EFHD1: variants seen among roughly 807,000 people sequenced by gnomAD.
EFHD1 encodes EF-hand domain family member D1.
EFHD1 carries 10 observed loss-of-function variants against 17.2 expected under a neutral mutation model. The ratio of observed to expected loss-of-function variants is 0.58; its 90% CI spans 0.36 to 0.99. EFHD1 has a LOEUF of 0.99. EFHD1 is among the 50% of genes least tolerant of loss of function. The pLI, the probability that EFHD1 is intolerant of heterozygous loss-of-function variation, is 0.01. For missense variants in EFHD1, 310 were observed against 327.5 expected, an observed-to-expected ratio of 0.95 and a Z score of 0.41; for synonymous variants, 153 against 142.0, an observed-to-expected ratio of 1.08 and a Z score of -0.55.
In EFHD1 at chr2:232,681,608, TAAGTTTG is replaced by T; in HGVS notation, c.613_619del (p.Phe205GlnfsTer3). ...AGGTCCAAGCCTTGTCATCGGCCAG[TAAGTTTG>T]AAGCAGAGTTGAAAGCTGAGCAAGA... On this transcript the variant is annotated frameshift_variant, in exon 4 of 4. Transcript: ENST00000264059. LOFTEE classifies it high-confidence loss of function. 1 of 1,614,158 alleles carries T rather than the reference TAAGTTTG, an allele frequency of 6.2e-7. No homozygotes were observed. Among genetic ancestry groups the T allele is most frequent in the South Asian group, 1.1e-5 (1 of 91,074 alleles).
intron 1 of EFHD1, among the ~76,000 whole-genome samples, chr2:232,610,235 G>A (rs1199098164): frequency 1.2e-4 from 18 of 152,240 alleles, no homozygotes. Flanking sequence ...CCTGCCATCA[G>A]CTCCTTGTGG....
At chr2:232,628,772 C>G (rs559200146), upstream of EFHD1, among the ~76,000 whole-genome samples, 1 of 152,184 alleles carries the variant, frequency 6.6e-6, no homozygotes, top group Non-Finnish European at 1.5e-5. Flanking sequence ...CAATTTCTCC[C>G]TGGAGAGGTA....
chr2:232,636,264 C>T (rs1021822770), intron 1 of EFHD1, among the ~76,000 whole-genome samples: 1 of 152,182 alleles, frequency 6.6e-6, no homozygotes, highest in Non-Finnish European at 1.5e-5. Context: ...GAAGAGTGAG[C>T]ACTTGGAGGC....
At chr2:232,663,050 C>A in intron 2 of EFHD1, 101 bp downstream of exon 2, 3 of 1,316,188 alleles carry the variant, frequency 2.3e-6, no homozygotes, top group Non-Finnish European at 3.0e-6. Context: ...CTCTCCAGAG[C>A]GCTGTTTGCG....
intron 2 of EFHD1, among the ~76,000 whole-genome samples, chr2:232,667,107 G>A (rs1694980595): frequency 6.6e-6 from 1 of 152,132 alleles, no homozygotes; most frequent in Non-Finnish European, 1.5e-5. Context: ...TGCACTTCCA[G>A]CTTCTGAAAC....
At chr2:232,653,294 G>T (rs1473950411) in intron 1 of EFHD1, among the ~76,000 whole-genome samples, 1 of 151,868 alleles carries the variant, frequency 6.6e-6, no homozygotes, top group Non-Finnish European at 1.5e-5. Context: ...TGCCCAGCTG[G>T]TTTTTTCTTT....
intron 3 of EFHD1, among the ~76,000 whole-genome samples, chr2:232,678,953 G>A (rs1363879773): frequency 1.3e-5 from 2 of 152,156 alleles, no homozygotes; most frequent in East Asian, 1.9e-4. Context: ...ACTAAAAGAA[G>A]TGCACTTAGA....
intron 1 of EFHD1, among the ~76,000 whole-genome samples, chr2:232,608,652 C>G (rs968163249): frequency 2.0e-5 from 3 of 152,030 alleles, no homozygotes; most frequent in African/African-American, 7.2e-5. Flanking sequence ...AGAAAACAGC[C>G]GGGCCCAGTG....
At chr2:232,633,603 C>A (rs1184111442), upstream of EFHD1, 2 of 1,307,440 alleles carry the variant, frequency 1.5e-6, no homozygotes, top group East Asian at 3.2e-5. Flanking sequence ...GCCGCCTCGG[C>A]GGAGTGTTGT....
At chr2:232,660,721 T>C (rs899454276) in intron 1 of EFHD1, among the ~76,000 whole-genome samples, 3 of 151,264 alleles carry the variant, frequency 2.0e-5, no homozygotes, top group Non-Finnish European at 4.4e-5. Context: ...CTCATGTCTG[T>C]AATCCCAAGA....
rs746805130 is a variant in EFHD1, at chr2:232,681,554, C to T, written c.586-31C>T. 21 of 1,608,534 alleles carry T rather than the reference C, an allele frequency of 1.3e-5. No individual in the cohort carries two copies. In the East Asian group the frequency reaches 1.8e-4, roughly 14 times the overall value. ...CCAGGGTCCTCTGCCCTCCCTTACT[C>T]GTTTGGTCTATGTCTGCTATTTCTC... On this transcript the variant is annotated intron_variant, in intron 3 of 3. Coordinates refer to ENST00000264059, the MANE Select transcript of EFHD1 (RefSeq NM_025202.4).
At chr2:232,613,953 TACACACACATACACACGTGAATAC>T (rs999731109) in intron 1 of EFHD1, among the ~76,000 whole-genome samples, 1 of 149,466 alleles carries the variant, frequency 6.7e-6, no homozygotes, top group Non-Finnish European at 1.5e-5. Flanking sequence ...CACATAAATA[TACACACACATACACACGTGAATAC>T]ACACACACAT....
chr2:232,621,410 T>C (rs6717991), intron 1 of EFHD1, among the ~76,000 whole-genome samples: 150,496 of 152,302 alleles, frequency 0.99, 74,371 homozygotes, highest in East Asian at 1. Context: ...TCGATTGTCA[T>C]AACATCCTTC....
At chr2:232,627,999 G>C (rs1694138930) in intron 1 of EFHD1, among the ~76,000 whole-genome samples, 1 of 152,120 alleles carries the variant, frequency 6.6e-6, no homozygotes, top group African/African-American at 2.4e-5. Context: ...GGCACGGCAG[G>C]AAGAAACATG....
At chr2:232,642,594 G>T (rs1408808870) in intron 1 of EFHD1, among the ~76,000 whole-genome samples, 2 of 152,080 alleles carry the variant, frequency 1.3e-5, no homozygotes, top group Non-Finnish European at 2.9e-5. Context: ...TACTGGTTTG[G>T]AGGGAAATGG....
At position 232,681,677 on chromosome 2, in the gene EFHD1, C is replaced by G; in HGVS notation, c.678C>G (p.Arg226=). 6.2e-7 allele frequency: 1 copy of G among 1,614,240 alleles called. No homozygotes were observed. Among genetic ancestry groups the G allele is most frequent in the South Asian group, 1.1e-5 (1 of 91,082 alleles). The change falls in exon 4 of 4, where the codon CGC becomes CGG. Residue 226 remains arginine (R), a synonymous_variant. Transcript: ENST00000264059. Reference sequence around the variant, plus strand: ...GGGAGGAGGAGGAGAGGCGGCTCCGCCAGGCAGCCTTCCAGAAACTCAAGG... The same window carrying G: ...GGGAGGAGGAGGAGAGGCGGCTCCGGCAGGCAGCCTTCCAGAAACTCAAGG... ...RKREEEERRL[R]QAAFQKLKAN...
chr2:232,668,469 T>C (rs1246242775), intron 2 of EFHD1, among the ~76,000 whole-genome samples: 1 of 152,118 alleles, frequency 6.6e-6, no homozygotes, highest in Non-Finnish European at 1.5e-5. Context: ...GAGCTTTCCC[T>C]CATGTTTCCA....
chr2:232,668,507 A>G (rs1438098480), intron 2 of EFHD1, among the ~76,000 whole-genome samples: 1 of 152,100 alleles, frequency 6.6e-6, no homozygotes, highest in Non-Finnish European at 1.5e-5. Flanking sequence ...GTAAACTGTC[A>G]TCTCCACTCT....
At chr2:232,645,904 G>A (rs115504189) in intron 1 of EFHD1, among the ~76,000 whole-genome samples, 168 of 152,248 alleles carry the variant, frequency 1.1e-3, no homozygotes, top group African/African-American at 3.7e-3. Context: ...TCACATGCCC[G>A]TCTCACTAAT....
Sources: gnomAD v4.1 joint callset for allele counts (sites outside exome capture counted in the v4.1 genomes callset) on GRCh38, gnomAD v4.1.1 for gene constraint, MANE v1.5 for transcripts, NCBI Gene and HGNC (gene_info 2026-07-23, HGNC 2026-07-21) for gene names.